TMC1: variants seen among roughly 807,000 people sequenced by gnomAD.
TMC1 encodes transmembrane channel-like protein 1.
In TMC1, 84 loss-of-function variants were observed where a neutral mutation model predicts 105.8. The observed-to-expected ratio is 0.79, with a 90% CI of 0.67 to 0.95. TMC1 has a LOEUF of 0.95. Ranked by LOEUF, TMC1 falls within the 40% of genes least tolerant of loss-of-function variation. The pLI is 0.00. For missense variants in TMC1, 817 were observed against 914.1 expected, an observed-to-expected ratio of 0.89 and a Z score of 1.37; for synonymous variants, 315 against 311.5, an observed-to-expected ratio of 1.01 and a Z score of -0.12.
chr9:72,548,032 T>C (rs1036902557), intron 1 of TMC1, among the ~76,000 whole-genome samples: 2 of 152,174 alleles, frequency 1.3e-5, no homozygotes, highest in Non-Finnish European at 2.9e-5. Flanking sequence ...ACATTAATCC[T>C]ATTTATGAGC....
chr9:72,759,117 A>G (rs191957682), intron 12 of TMC1, among the ~76,000 whole-genome samples: 8 of 152,248 alleles, frequency 5.3e-5, no homozygotes, highest in African/African-American at 1.4e-4. Flanking sequence ...CAAAAGAGGA[A>G]GTGGGGTTAT....
intron 7 of TMC1, among the ~76,000 whole-genome samples, chr9:72,699,455 T>C (rs1230707171): frequency 6.6e-6 from 1 of 152,184 alleles, no homozygotes; most frequent in African/African-American, 2.4e-5. Flanking sequence ...TTTCTTTCTC[T>C]TGAGACAGGG....
rs562169922 is a variant in TMC1 at position 72,521,827 on chromosome 9, A to G, written c.-514A>G. The G allele has an allele frequency of 6.6e-6, 1 of 152,152 alleles. No homozygotes were observed. The highest frequency in any genetic ancestry group is 6.5e-5 in the Admixed American group (1 of 15,280). The allele number at this position is 152,152 out of a possible 1,614,324, so 9.4% of individuals were successfully genotyped here. A position where few individuals can be genotyped will look rare whatever the true frequency, so the allele number is the denominator to read the frequency against. On this transcript the variant is annotated 5_prime_UTR_variant, in exon 1 of 24. Transcript: ENST00000297784. ...AGAAACTATGAGGGCAGAACCCAGC[A>G]ATCTGTGCTTTCTTTCACAAGCCCT...
At chr9:72,601,976 T>G (rs1011483444) in intron 2 of TMC1, among the ~76,000 whole-genome samples, 2 of 152,242 alleles carry the variant, frequency 1.3e-5, no homozygotes, top group African/African-American at 4.8e-5. Flanking sequence ...AAAATTCATT[T>G]ATTTTTCATA....
chr9:72,700,417 A>G, intron 7 of TMC1, 101 bp from the exon 8 acceptor site: 1 of 1,004,240 alleles, frequency 1.0e-6, no homozygotes, highest in Non-Finnish European at 1.4e-6. Flanking sequence ...ATATGGTTAC[A>G]TTTAAAAAAA....
chr9:72,592,736 A>G (rs1363886901), intron 2 of TMC1, among the ~76,000 whole-genome samples: 1 of 152,216 alleles, frequency 6.6e-6, no homozygotes, highest in African/African-American at 2.4e-5. Context: ...CAGATGCTCA[A>G]TGTCTTACAC....
intron 5 of TMC1, among the ~76,000 whole-genome samples, chr9:72,675,340 T>C (rs915808919): frequency 6.6e-6 from 1 of 152,102 alleles, no homozygotes; most frequent in Non-Finnish European, 1.5e-5. Context: ...ATCTGAAAAA[T>C]ATATGATATT....
chr9:72,668,085 C>T (rs1326693298), intron 5 of TMC1, among the ~76,000 whole-genome samples: 1 of 152,096 alleles, frequency 6.6e-6, no homozygotes, highest in African/African-American at 2.4e-5. Context: ...AGAAAAATAT[C>T]CTTTTTTACT....
In TMC1 at chr9:72,752,093, C is replaced by T. The variant is rs192851206; in HGVS notation, c.642+137C>T. ...TCATAGGATTTGTAATGAGATTAAC[C>T]TTCAAAATGGTGCCCATGGGCCAAA... is the stretch of plus-strand genomic sequence containing the variant. On this transcript the variant is annotated intron_variant, in intron 11 of 23. Coordinates refer to ENST00000297784, the MANE Select transcript of TMC1 (RefSeq NM_138691.3). 23 of 713,802 alleles carry T rather than the reference C, an allele frequency of 3.2e-5. No homozygotes were observed. In the East Asian group the frequency reaches 5.7e-4, roughly 18 times the overall value. 44.2% of individuals were successfully genotyped at this position (713,802 alleles called of 1,614,324 possible).
chr9:72,614,409 G>A (rs569482829), intron 2 of TMC1, among the ~76,000 whole-genome samples: 3 of 152,286 alleles, frequency 2.0e-5, no homozygotes, highest in African/African-American at 7.2e-5. Context: ...GTGTTAAATG[G>A]ATTTAATTGC....
intron 13 of TMC1, among the ~76,000 whole-genome samples, chr9:72,779,119 C>G (rs543344590): frequency 1.3e-5 from 2 of 152,306 alleles, no homozygotes; most frequent in African/African-American, 4.8e-5. Context: ...GGCCAGAGAA[C>G]AAAGCTGTGT....
chr9:72,766,277 C>T lies in TMC1; in HGVS notation c.742-6136C>T, dbSNP rs1461587866. Among the ~76,000 whole-genome samples, 12 of 151,836 alleles carry T rather than the reference C, an allele frequency of 7.9e-5. No homozygotes were observed. The South Asian group carries it at 1.3e-3, about 16-fold the overall frequency. On this transcript the variant is annotated intron_variant, in intron 12 of 23. Transcript: ENST00000297784. ...CTAAAAATACAAAAAATTAGCTGGG[C>T]GTGGTGGCGGGTGCCTGTAGTCCCA...
At chr9:72,683,161 C>A (rs1330183116) in intron 5 of TMC1, among the ~76,000 whole-genome samples, 2 of 152,122 alleles carry the variant, frequency 1.3e-5, no homozygotes, top group Non-Finnish European at 2.9e-5. Context: ...GAGATGATGC[C>A]TGAATATGAT....
Position 72,540,216 on chromosome 9 carries a change from C to T in TMC1, c.-428+18303C>T, listed in dbSNP as rs150586092. ...TCAACATGAAGTTTGGGAGGGCGAACATCCAAAGTACAGCACCTTGTTTCT... is the reference window on the plus strand; with the variant it reads ...TCAACATGAAGTTTGGGAGGGCGAATATCCAAAGTACAGCACCTTGTTTCT... On this transcript the variant is annotated intron_variant, in intron 1 of 23. Transcript: ENST00000297784. 4.2e-3 allele frequency among the ~76,000 whole-genome samples: 640 copies of T among 152,290 alleles called. 5 individuals carry two copies. The highest frequency in any genetic ancestry group is 0.014 in the African/African-American group (571 of 41,574).
chr9:72,680,016 A>T (rs2132175805), intron 5 of TMC1, among the ~76,000 whole-genome samples: 1 of 152,258 alleles, frequency 6.6e-6, no homozygotes. Flanking sequence ...GGCAGAAATA[A>T]TATTTCTAGC....
At chr9:72,770,906 A>G (rs1480082200) in intron 12 of TMC1, among the ~76,000 whole-genome samples, 1 of 152,262 alleles carries the variant, frequency 6.6e-6, no homozygotes, top group African/African-American at 2.4e-5. Flanking sequence ...TCCTCAGTGG[A>G]TTAAATGATG....
intron 5 of TMC1, among the ~76,000 whole-genome samples, chr9:72,650,819 T>G (rs1227447054): frequency 6.7e-6 from 1 of 149,132 alleles, no homozygotes; most frequent in Non-Finnish European, 1.5e-5. Context: ...CGTTCCCACA[T>G]AAGATATAAT....
chr9:72,727,242 T>A (rs983631952), intron 8 of TMC1, among the ~76,000 whole-genome samples: 1 of 152,198 alleles, frequency 6.6e-6, no homozygotes, highest in Non-Finnish European at 1.5e-5. Context: ...GCCTCCATTG[T>A]CCTCTCCCTT....
intron 2 of TMC1, among the ~76,000 whole-genome samples, chr9:72,610,496 T>G (rs1825006323): frequency 6.6e-6 from 1 of 152,124 alleles, no homozygotes; most frequent in South Asian, 2.1e-4. Flanking sequence ...ATGTTTCAGT[T>G]AAAGTCCAAG....
Sources: allele counts gnomAD v4.1 joint callset (sites outside exome capture counted in the v4.1 genomes callset), GRCh38; gene constraint gnomAD v4.1.1; transcripts MANE v1.5; gene names NCBI Gene and HGNC (gene_info 2026-07-23, HGNC 2026-07-21).